SLC25A51: variants seen among roughly 807,000 people sequenced by gnomAD.
SLC25A51 encodes solute carrier family 25 member 51, also known as mitochondrial nicotinamide adenine dinucleotide transporter SLC25A51.
Under a neutral mutation model 19.1 loss-of-function variants are expected in SLC25A51, and 11 were observed. The ratio of observed to expected loss-of-function variants is 0.58; its 90% CI spans 0.36 to 0.96. SLC25A51 has a LOEUF of 0.96. Among genes scored for constraint, SLC25A51 ranks in the 40% least tolerant of loss-of-function variants. The pLI, the probability that SLC25A51 is intolerant of heterozygous loss-of-function variation, is 0.01. For missense variants in SLC25A51, 201 were observed against 365.4 expected (o/e 0.55, Z 3.67); for synonymous variants, 105 against 133.6 (o/e 0.79, Z 1.47).
At chr9:37,886,316 A>T, downstream of SLC25A51, 1 of 1,614,048 alleles carries the variant, frequency 6.2e-7, no homozygotes, top group Non-Finnish European at 8.5e-7. Flanking sequence ...GGCTGGAGAC[A>T]ATATCCCTGA....
intron 2 of SLC25A51, among the ~76,000 whole-genome samples, chr9:37,891,877 T>C (rs1327215489): frequency 7.7e-6 from 1 of 129,084 alleles, no homozygotes; most frequent in Non-Finnish European, 1.6e-5. Flanking sequence ...TTTATATATA[T>C]ATATATACAC....
downstream of SLC25A51, among the ~76,000 whole-genome samples, chr9:37,886,625 A>T (rs2118307728): frequency 6.6e-6 from 1 of 152,272 alleles, no homozygotes; most frequent in South Asian, 2.1e-4. Context: ...CACAGGATGG[A>T]GGGGGAAATG....
chr9:37,891,538 G>A (rs1831585986), intron 2 of SLC25A51, among the ~76,000 whole-genome samples: 2 of 152,198 alleles, frequency 1.3e-5, no homozygotes, highest in Non-Finnish European at 1.5e-5. Flanking sequence ...TTGGGATGCT[G>A]TTGATCTATG....
chr9:37,889,879 G>T (rs1831541471), intron 2 of SLC25A51, among the ~76,000 whole-genome samples: 1 of 151,664 alleles, frequency 6.6e-6, no homozygotes, highest in Non-Finnish European at 1.5e-5. Flanking sequence ...AAATAGCTGG[G>T]TCATACAGAA....
At position 37,889,958 on chromosome 9, in the gene SLC25A51, T is replaced by C. The variant is rs913865990; in HGVS notation, c.-42-1366A>G. Among the ~76,000 whole-genome samples the C allele has an allele frequency of 5.3e-5, 8 of 152,136 alleles. No individual in the cohort carries two copies. In the South Asian group the frequency reaches 1.7e-3, roughly 32 times the overall value. ...TGGGGGATAACATGATAACTGTATA[T>C]TGTATCTTAGATATAATAGAAATAT... On this transcript the variant is annotated intron_variant, in intron 2 of 2. Transcript: ENST00000242275.
chr9:37,885,366 A>C (rs1350336220), downstream of SLC25A51, among the ~76,000 whole-genome samples: 234 of 143,592 alleles, frequency 1.6e-3, 1 homozygote, highest in African/African-American at 5.3e-3. Context: ...AAAAAAAAAA[A>C]AACCTTGTAT....
downstream of SLC25A51, chr9:37,886,054 C>T: frequency 6.2e-7 from 1 of 1,609,596 alleles, no homozygotes; most frequent in Non-Finnish European, 8.5e-7. Context: ...TTAAGTACAA[C>T]TGTACAGGGC....
intron 2 of SLC25A51, among the ~76,000 whole-genome samples, chr9:37,894,422 G>C (rs202108033): frequency 7.3e-5 from 11 of 151,706 alleles, no homozygotes; most frequent in Admixed American, 7.2e-4. Flanking sequence ...CACCTCCTGG[G>C]TTCAACTGAT....
chr9:37,900,778 G>A (rs934104964), intron 1 of SLC25A51, among the ~76,000 whole-genome samples: 1 of 152,042 alleles, frequency 6.6e-6, no homozygotes, highest in African/African-American at 2.4e-5. Context: ...CTTGAGCAGG[G>A]TTATCAGTTT....
At chr9:37,902,269 T>C (rs923238071) in intron 1 of SLC25A51, among the ~76,000 whole-genome samples, 1 of 152,228 alleles carries the variant, frequency 6.6e-6, no homozygotes, top group African/African-American at 2.4e-5. Flanking sequence ...AGTTTATTTA[T>C]GACTCTGTGT....
intron 3 of SLC25A51, among the ~76,000 whole-genome samples, chr9:37,881,309 A>C (rs1399733560): frequency 6.6e-6 from 1 of 152,208 alleles, no homozygotes; most frequent in African/African-American, 2.4e-5. Context: ...AAGCTAAACC[A>C]AGAAAGTTTA....
At chr9:37,887,560 T>C (rs563692333), downstream of SLC25A51, 62 of 1,392,950 alleles carry the variant, frequency 4.5e-5, no homozygotes, top group South Asian at 3.8e-4. Flanking sequence ...CATAATAAGA[T>C]TGGGATTTCC....
chr9:37,895,365 C>CTTT (rs1039284688), intron 2 of SLC25A51, among the ~76,000 whole-genome samples: 2 of 138,256 alleles, frequency 1.4e-5, no homozygotes, highest in Non-Finnish European at 3.2e-5. Flanking sequence ...CCACATTCGG[C>CTTT]TTTTTTTTTT....
chr9:37,894,329 CTT>C (rs545485331), intron 2 of SLC25A51, among the ~76,000 whole-genome samples: 15 of 141,846 alleles, frequency 1.1e-4, no homozygotes, highest in Non-Finnish European at 9.3e-5. Flanking sequence ...TTTTTTTTAA[CTT>C]TTTTTTTTTT....
downstream of SLC25A51, among the ~76,000 whole-genome samples, chr9:37,883,125 G>A (rs138703571): frequency 1.3e-3 from 196 of 152,332 alleles, 1 homozygote; most frequent in East Asian, 0.034. Context: ...GATTACAGGC[G>A]TGAGCCACCG....
downstream of SLC25A51, among the ~76,000 whole-genome samples, chr9:37,882,837 A>G (rs1831374986): frequency 1.3e-5 from 2 of 151,950 alleles, no homozygotes; most frequent in South Asian, 2.1e-4. Context: ...ATTCAATCAC[A>G]TTTGCCTTTT....
At chr9:37,883,071 C>G (rs1433074694), downstream of SLC25A51, among the ~76,000 whole-genome samples, 2 of 152,366 alleles carry the variant, frequency 1.3e-5, no homozygotes, top group South Asian at 4.1e-4. Context: ...TCTCAAACTT[C>G]TGACCTCAAG....
chr9:37,889,993 T>C (rs977393859), intron 2 of SLC25A51, among the ~76,000 whole-genome samples: 2 of 151,938 alleles, frequency 1.3e-5, no homozygotes, highest in African/African-American at 4.8e-5. Context: ...TATAGAAACT[T>C]CTATATATTA....
intron 2 of SLC25A51, among the ~76,000 whole-genome samples, chr9:37,894,276 G>C (rs753299466): frequency 2.6e-5 from 4 of 151,572 alleles, no homozygotes; most frequent in Non-Finnish European, 4.4e-5. Flanking sequence ...CTTCCAGAGA[G>C]TGTCTAGAGG....
Sources: gnomAD v4.1 joint callset for allele counts (sites outside exome capture counted in the v4.1 genomes callset) on GRCh38, gnomAD v4.1.1 for gene constraint, MANE v1.5 for transcripts, NCBI Gene and HGNC (gene_info 2026-07-23, HGNC 2026-07-21) for gene names.